The following APBB1IP variants were observed in gnomAD, a reference collection of about 807,000 sequenced individuals.
The protein encoded by APBB1IP is amyloid beta precursor protein binding family B member 1 interacting protein.
APBB1IP carries 27 observed loss-of-function variants against 64.9 expected under a neutral mutation model. The observed-to-expected ratio is 0.42, with a 90% CI of 0.31 to 0.57. The LOEUF is 0.57. Among genes scored for constraint, APBB1IP ranks in the 20% least tolerant of loss-of-function variants. APBB1IP has a pLI of 0.20. For missense variants in APBB1IP, 812 were observed against 845.5 expected, an observed-to-expected ratio of 0.96 and a Z score of 0.49; for synonymous variants, 392 against 331.0, an observed-to-expected ratio of 1.18 and a Z score of -2.00.
At chr10:26,507,026 C>T (rs1338121341) in intron 6 of APBB1IP, among the ~76,000 whole-genome samples, 1 of 152,096 alleles carries the variant, frequency 6.6e-6, no homozygotes, top group South Asian at 2.1e-4. Flanking sequence ...TATGCTCCAG[C>T]AAGAATCAGC....
intron 8 of APBB1IP, among the ~76,000 whole-genome samples, chr10:26,531,757 T>A (rs1836557659): frequency 6.6e-6 from 1 of 152,312 alleles, no homozygotes; most frequent in Admixed American, 6.5e-5. Flanking sequence ...TCTGCAGTTT[T>A]TTTCCTTTCT....
chr10:26,444,543 G>A (rs1176495422), intron 2 of APBB1IP, among the ~76,000 whole-genome samples: 1 of 152,128 alleles, frequency 6.6e-6, no homozygotes, highest in East Asian at 1.9e-4. Context: ...GAGGAGTCAA[G>A]GATGACTTCA....
At chr10:26,512,567 GA>G (rs1443221821) in intron 7 of APBB1IP, among the ~76,000 whole-genome samples, 2 of 151,758 alleles carry the variant, frequency 1.3e-5, no homozygotes, top group Non-Finnish European at 2.9e-5. Flanking sequence ...TTCAAAAGTG[GA>G]AAAAAAGGTT....
chr10:26,517,499 G>A (rs2132450429), intron 8 of APBB1IP, among the ~76,000 whole-genome samples: 1 of 152,318 alleles, frequency 6.6e-6, no homozygotes, highest in East Asian at 1.9e-4. Flanking sequence ...TCTTGCAGTG[G>A]CACGATCTTG....
At chr10:26,455,925 G>T (rs1835519877) in intron 2 of APBB1IP, among the ~76,000 whole-genome samples, 1 of 152,158 alleles carries the variant, frequency 6.6e-6, no homozygotes, top group Non-Finnish European at 1.5e-5. Context: ...CTAATAAAAA[G>T]AAATGAAGTG....
chr10:26,466,433 T>C (rs1304668163), intron 2 of APBB1IP, among the ~76,000 whole-genome samples: 1 of 152,222 alleles, frequency 6.6e-6, no homozygotes, highest in South Asian at 2.1e-4. Flanking sequence ...ACTGTGAGTA[T>C]GTTTCTTGAA....
rs1163903094 is a variant in APBB1IP at position 26,560,766 on chromosome 10, G to A, written c.1291G>A (p.Val431Met). The A allele has an allele frequency of 1.2e-6, 2 of 1,604,850 alleles. No individual in the cohort carries two copies. Among genetic ancestry groups the A allele is most frequent in the Admixed American group, 1.7e-5 (1 of 58,540 alleles). The part of the protein sequence containing the change: ...KTLYDNYQRA[V>M]AKAGLASRWT... Reference sequence around the variant, plus strand: ...TCTCTATGATAACTACCAGCGGGCTGTGGCAAAGGCTGGACTTGCCTCTCG... The same window carrying A: ...TCTCTATGATAACTACCAGCGGGCTATGGCAAAGGCTGGACTTGCCTCTCG... Residue 431 changes from valine to methionine, a missense_variant, in exon 13 of 15, where the codon GTG becomes ATG. By Grantham distance (21) the Val-to-Met change is conservative. This residue lies in a region of APBB1IP where 381 missense variants were observed against 352.1 expected (regional missense o/e 1.08). Coordinates refer to ENST00000376236, the MANE Select transcript of APBB1IP (RefSeq NM_019043.4).
At chr10:26,487,270 A>G (rs929895544) in intron 2 of APBB1IP, among the ~76,000 whole-genome samples, 2 of 151,352 alleles carry the variant, frequency 1.3e-5, no homozygotes, top group African/African-American at 4.9e-5. Flanking sequence ...TACCACACGT[A>G]CATATAGGCA....
chr10:26,567,739 GT>G lies in APBB1IP; in HGVS notation c.*255del. ...TCCCTTCCAAGCTGCCTAAAGCGCT[GT>G]TTTAGGTTCATTTATTTTATTATGT... On this transcript the variant is annotated 3_prime_UTR_variant, in exon 15 of 15. Coordinates refer to ENST00000376236, the MANE Select transcript of APBB1IP (RefSeq NM_019043.4). 1.3e-6 allele frequency: 1 copy of G among 772,658 alleles called. No homozygotes were observed. Among genetic ancestry groups the G allele is most frequent in the Non-Finnish European group, 1.7e-6 (1 of 575,430 alleles). The allele number at this position is 772,658 out of a possible 1,614,324, so 47.9% of individuals were successfully genotyped here. A position where few individuals can be genotyped will look rare whatever the true frequency, so the allele number is the denominator to read the frequency against.
chr10:26,482,553 T>C (rs888402900), intron 2 of APBB1IP, among the ~76,000 whole-genome samples: 2 of 152,226 alleles, frequency 1.3e-5, no homozygotes, highest in African/African-American at 4.8e-5. Flanking sequence ...CTGTAGTGCG[T>C]ATTTCATCCT....
intron 6 of APBB1IP, among the ~76,000 whole-genome samples, chr10:26,508,426 C>T (rs779891314): frequency 4.0e-5 from 6 of 150,460 alleles, no homozygotes; most frequent in Non-Finnish European, 8.9e-5. Flanking sequence ...CCCCACAAAA[C>T]TGTAAATGAT....
At chr10:26,527,414 G>A (rs1432191342) in intron 8 of APBB1IP, among the ~76,000 whole-genome samples, 3 of 151,940 alleles carry the variant, frequency 2.0e-5, no homozygotes, top group Non-Finnish European at 4.4e-5. Context: ...GGGTGTGATG[G>A]CATGCACTTG....
chr10:26,547,756 A>G (rs553569357), intron 11 of APBB1IP, among the ~76,000 whole-genome samples: 1 of 152,088 alleles, frequency 6.6e-6, no homozygotes, highest in Admixed American at 6.6e-5. Context: ...GTTTTGGGTC[A>G]TATATTAACT....
chr10:26,447,159 G>A (rs1835408799), intron 2 of APBB1IP, among the ~76,000 whole-genome samples: 1 of 151,774 alleles, frequency 6.6e-6, no homozygotes, highest in Non-Finnish European at 1.5e-5. Context: ...AGATCACGAG[G>A]TCAGGAGATC....
intron 5 of APBB1IP, chr10:26,501,620 G>T (rs969233920): frequency 1.9e-5 from 3 of 161,008 alleles, no homozygotes; most frequent in Admixed American, 6.3e-5. Context: ...GCAGATGATG[G>T]GTGCTTGATA....
Position 26,560,722 on chromosome 10 carries a change from C to T in APBB1IP, c.1255-8C>T, listed in dbSNP as rs1836956702. 1 of 1,567,240 alleles carries T rather than the reference C, an allele frequency of 6.4e-7. No individual in the cohort carries two copies. The highest frequency in any genetic ancestry group is 8.7e-7 in the Non-Finnish European group (1 of 1,155,398). ...TCCTTTCCTTCTTCCTTTGTGTTCT[C>T]TCCCCAGTATGGGAAGACTCTCTAT... is the stretch of plus-strand genomic sequence containing the variant. On this transcript the variant is annotated splice_polypyrimidine_tract_variant and splice_region_variant and intron_variant, in intron 12 of 14. Transcript: ENST00000376236.
At chr10:26,479,406 A>G (rs1835811065) in intron 2 of APBB1IP, among the ~76,000 whole-genome samples, 1 of 152,166 alleles carries the variant, frequency 6.6e-6, no homozygotes, top group Admixed American at 6.5e-5. Flanking sequence ...ATTTAAAATC[A>G]TGGCTGGGAT....
chr10:26,545,535 C>T (rs1049523861), intron 11 of APBB1IP, among the ~76,000 whole-genome samples: 1 of 151,824 alleles, frequency 6.6e-6, no homozygotes, highest in Non-Finnish European at 1.5e-5. Flanking sequence ...CCGAGGCGGG[C>T]GGATCACGAG....
intron 2 of APBB1IP, among the ~76,000 whole-genome samples, chr10:26,480,163 G>A (rs972683818): frequency 1.3e-5 from 2 of 152,130 alleles, no homozygotes; most frequent in South Asian, 4.1e-4. Context: ...CTTGGATTGG[G>A]ACATGAGATC....
Sources: allele counts gnomAD v4.1 joint callset (sites outside exome capture counted in the v4.1 genomes callset), GRCh38; gene constraint gnomAD v4.1.1; regional missense constraint gnomAD v4.1.1; transcripts MANE v1.5; gene names NCBI Gene and HGNC (gene_info 2026-07-23, HGNC 2026-07-21).